The following MBTD1 variants were observed in gnomAD, a reference collection of about 807,000 sequenced individuals.
The protein encoded by MBTD1 is mbt domain containing 1.
In MBTD1, 24 loss-of-function variants were observed where a neutral mutation model predicts 87.8. That is an observed-to-expected ratio of 0.27 (90% CI 0.20 to 0.38). The LOEUF (loss-of-function observed/expected upper bound fraction) is 0.38, where lower values mean the gene tolerates loss of function less well. Ranked by LOEUF, MBTD1 falls within the 10% of genes least tolerant of loss-of-function variation. The pLI, the probability that MBTD1 is intolerant of heterozygous loss-of-function variation, is 1.00. For synonymous variants in MBTD1, 237 were observed against 248.6 expected, an observed-to-expected ratio of 0.95 and a Z score of 0.44; for missense variants, 436 against 760.2, an observed-to-expected ratio of 0.57 and a Z score of 5.02.
chr17:51,217,666 T>C (rs2052646966), intron 5 of MBTD1, among the ~76,000 whole-genome samples: 1 of 152,198 alleles, frequency 6.6e-6, no homozygotes, highest in Admixed American at 6.5e-5. Flanking sequence ...TGGAGTGCAG[T>C]GGCATGATCT....
chr17:51,200,633 G>A (rs185531811), intron 12 of MBTD1, among the ~76,000 whole-genome samples: 1 of 151,490 alleles, frequency 6.6e-6, no homozygotes, highest in African/African-American at 2.4e-5. Context: ...GGAGGCTGAG[G>A]CAGGTGGGTT....
At chr17:51,239,832 A>G (rs1003449540) in intron 2 of MBTD1, among the ~76,000 whole-genome samples, 1 of 152,210 alleles carries the variant, frequency 6.6e-6, no homozygotes, top group African/African-American at 2.4e-5. Context: ...CCTAGTAATA[A>G]GGATATTCTC....
chr17:51,231,574 GA>G (rs769083829), intron 2 of MBTD1, among the ~76,000 whole-genome samples: 73 of 152,194 alleles, frequency 4.8e-4, no homozygotes, highest in Admixed American at 2.0e-3. Flanking sequence ...GTCTTTTCTA[GA>G]GTACCTTTTA....
chr17:51,241,403 C>T (rs1308525156), intron 2 of MBTD1, among the ~76,000 whole-genome samples: 1 of 152,170 alleles, frequency 6.6e-6, no homozygotes, highest in Non-Finnish European at 1.5e-5. Context: ...ATTAAATTTT[C>T]ACTCAAGATT....
chr17:51,246,829 G>C (rs539071932), intron 2 of MBTD1, among the ~76,000 whole-genome samples: 1 of 151,782 alleles, frequency 6.6e-6, no homozygotes, highest in African/African-American at 2.4e-5. Flanking sequence ...TAGTAGAGAC[G>C]GGGTTTCACC....
At chr17:51,186,399 T>G (rs558400091) in intron 16 of MBTD1, 16 of 151,836 alleles carry the variant, frequency 1.1e-4, no homozygotes, top group African/African-American at 3.9e-4. Flanking sequence ...GGGAGATTGT[T>G]TCTACTCTCC....
intron 11 of MBTD1, among the ~76,000 whole-genome samples, 153 bp downstream of exon 11, chr17:51,201,869 T>C (rs1014009870): frequency 6.6e-6 from 1 of 152,196 alleles, no homozygotes; most frequent in Non-Finnish European, 1.5e-5. Flanking sequence ...TTAAGAATAA[T>C]TATAATAAAG....
At chr17:51,215,909 T>C (rs564823737) in intron 6 of MBTD1, among the ~76,000 whole-genome samples, 11 of 150,988 alleles carry the variant, frequency 7.3e-5, no homozygotes, top group Admixed American at 2.7e-4. Flanking sequence ...TATGCTGTTA[T>C]CTAAAAATAA....
rs140850314 is a variant in MBTD1 at position 51,186,769 on chromosome 17, C to A, written c.1768+5434G>T. 1.0e-4 allele frequency among the ~76,000 whole-genome samples: 15 copies of A among 150,138 alleles called. 2 individuals are homozygous for A. Among genetic ancestry groups the A allele is most frequent in the African/African-American group, 3.7e-4 (15 of 40,984 alleles). On this transcript the variant is annotated intron_variant, in intron 16 of 16. Coordinates refer to ENST00000586178, the MANE Select transcript of MBTD1 (RefSeq NM_017643.3). Reference sequence around the variant, plus strand: ...AACCTGGGCGACAAAGCAAGACTCTCGTCTCAAAAAAAAAAACCAAAACAA... The same window carrying A: ...AACCTGGGCGACAAAGCAAGACTCTAGTCTCAAAAAAAAAAACCAAAACAA...
At chr17:51,231,954 T>A (rs2053574288) in intron 2 of MBTD1, among the ~76,000 whole-genome samples, 1 of 152,144 alleles carries the variant, frequency 6.6e-6, no homozygotes, top group South Asian at 2.1e-4. Flanking sequence ...AAACTTACCT[T>A]TTATTTACTA....
chr17:51,214,522 T>C (rs910760513), intron 6 of MBTD1, among the ~76,000 whole-genome samples: 3 of 152,144 alleles, frequency 2.0e-5, no homozygotes, highest in African/African-American at 7.2e-5. Flanking sequence ...AATATCTAAG[T>C]GCTGGAAAAC....
chr17:51,257,257 A>AT (rs1192406880), intron 2 of MBTD1, among the ~76,000 whole-genome samples: 1 of 152,200 alleles, frequency 6.6e-6, no homozygotes, highest in African/African-American at 2.4e-5. Context: ...CTAATGATAC[A>AT]TAAGTGTGAA....
chr17:51,225,108 G>C lies in MBTD1; in HGVS notation c.54C>G (p.Ser18=). 1 of 1,551,372 alleles carries C rather than the reference G, an allele frequency of 6.4e-7. No homozygotes were observed. The highest frequency in any genetic ancestry group is 1.2e-5 in the South Asian group (1 of 84,028). Residue 18 remains serine, a synonymous_variant, in exon 3 of 17, where the codon TCC becomes TCG. Transcript: ENST00000586178. ...GAGCGACTTCTTCCTCACTCTCTTC[G>C]GAGCTGGAGCTGCTGCTTGTGTCCT... ...CSEDTSSSSS[S]EESEEEVAPL...
At chr17:51,182,702 A>C (rs2050371011) in intron 16 of MBTD1, among the ~76,000 whole-genome samples, 1 of 152,124 alleles carries the variant, frequency 6.6e-6, no homozygotes, top group Non-Finnish European at 1.5e-5. Context: ...CAAGGGTAAA[A>C]GTTCTTCATT....
intron 3 of MBTD1, among the ~76,000 whole-genome samples, chr17:51,221,177 A>G (rs530633144): frequency 1.2e-4 from 19 of 152,346 alleles, no homozygotes; most frequent in African/African-American, 4.6e-4. Flanking sequence ...ACACACCTGT[A>G]GTCCCAGCTA....
intron 16 of MBTD1, among the ~76,000 whole-genome samples, chr17:51,181,855 T>C (rs1466940017): frequency 3.3e-5 from 5 of 152,172 alleles, no homozygotes; most frequent in East Asian, 1.9e-4. Flanking sequence ...GTCTTTAGTA[T>C]GGAAAACGGT....
At chr17:51,194,996 G>A (rs2145112057) in intron 13 of MBTD1, among the ~76,000 whole-genome samples, 1 of 152,282 alleles carries the variant, frequency 6.6e-6, no homozygotes, top group Admixed American at 6.5e-5. Context: ...ATACACAGAT[G>A]CTCAGGAAAA....
chr17:51,216,970 G>T (rs115317113), intron 6 of MBTD1, among the ~76,000 whole-genome samples: 13 of 152,026 alleles, frequency 8.6e-5, no homozygotes, highest in African/African-American at 3.1e-4. Flanking sequence ...GGAGGCAAAG[G>T]TGGGAGGACT....
chr17:51,259,853 C>T lies in MBTD1; in HGVS notation c.-131G>A. The T allele has an allele frequency of 8.1e-7, 1 of 1,231,988 alleles. No homozygotes were observed. Among genetic ancestry groups the T allele is most frequent in the Non-Finnish European group, 1.0e-6 (1 of 987,884 alleles). The allele number at this position is 1,231,988 out of a possible 1,614,324, so 76.3% of individuals were successfully genotyped here. On this transcript the variant is annotated 5_prime_UTR_variant, in exon 1 of 17. It removes an upstream start codon present in the reference 5' UTR. Coordinates refer to ENST00000586178, the MANE Select transcript of MBTD1 (RefSeq NM_017643.3). The stretch of plus-strand genomic sequence containing the variant: ...CTCTCACCAGATCCTTTGTGTTTTC[C>T]ATCAGGGCCTCATGGGTAGGGGTTG...
Sources: allele counts gnomAD v4.1 joint callset (sites outside exome capture counted in the v4.1 genomes callset), GRCh38; gene constraint gnomAD v4.1.1; transcripts MANE v1.5; gene names NCBI Gene and HGNC (gene_info 2026-07-23, HGNC 2026-07-21).